The following DNAJC8 variants were observed in gnomAD, a reference collection of about 807,000 sequenced individuals.
The protein encoded by DNAJC8 is dnaJ homolog subfamily C member 8.
DNAJC8 carries 24 observed loss-of-function variants against 43.2 expected under a neutral mutation model. The ratio of observed to expected loss-of-function variants is 0.56; its 90% CI spans 0.40 to 0.78. The LOEUF (loss-of-function observed/expected upper bound fraction) is 0.78, where lower values mean the gene tolerates loss of function less well. Ranked by LOEUF, DNAJC8 falls within the 30% of genes least tolerant of loss-of-function variation. The probability of loss-of-function intolerance (pLI) is 0.00; values close to 1 mark genes in which losing one functional copy is unlikely to be tolerated. For missense variants in DNAJC8, 207 were observed against 299.4 expected, an observed-to-expected ratio of 0.69 and a Z score of 2.28; for synonymous variants, 83 against 98.0, an observed-to-expected ratio of 0.85 and a Z score of 0.90.
intron 3 of DNAJC8, among the ~76,000 whole-genome samples, chr1:28,214,376 A>C (rs996581025): frequency 5.3e-5 from 8 of 152,092 alleles, no homozygotes; most frequent in African/African-American, 1.9e-4. Flanking sequence ...CTCTACCAAA[A>C]TACAAAAATT....
At chr1:28,220,673 T>G (rs1646892589) in intron 2 of DNAJC8, among the ~76,000 whole-genome samples, 1 of 152,166 alleles carries the variant, frequency 6.6e-6, no homozygotes, top group African/African-American at 2.4e-5. Context: ...GCTGTTGCAT[T>G]GGGATTAAAT....
At chr1:28,203,908 G>C (rs1325480244) in intron 7 of DNAJC8, 86 bp from the exon 8 acceptor site, 6 of 1,302,788 alleles carry the variant, frequency 4.6e-6, no homozygotes, top group Non-Finnish European at 6.6e-6. Flanking sequence ...ACAGAAGCAA[G>C]CATATATAGT....
intron 3 of DNAJC8, among the ~76,000 whole-genome samples, chr1:28,214,161 T>C (rs1006544680): frequency 3.9e-5 from 6 of 152,176 alleles, no homozygotes; most frequent in Non-Finnish European, 8.8e-5. Context: ...TCAGAAGCTA[T>C]AGATCTCCTT....
chr1:28,211,539 C>G (rs1360952111), intron 3 of DNAJC8, among the ~76,000 whole-genome samples: 2 of 152,228 alleles, frequency 1.3e-5, no homozygotes, highest in African/African-American at 4.8e-5. Context: ...GACATCAACT[C>G]TCTCCTAAAA....
intron 3 of DNAJC8, among the ~76,000 whole-genome samples, chr1:28,214,407 A>C (rs927355594): frequency 4.6e-5 from 7 of 152,056 alleles, no homozygotes; most frequent in Non-Finnish European, 8.8e-5. Flanking sequence ...GGTGGCATGC[A>C]CTTGTAATAC....
intron 1 of DNAJC8, among the ~76,000 whole-genome samples, chr1:28,231,662 C>A (rs1480455695): frequency 6.6e-6 from 1 of 151,812 alleles, no homozygotes. Flanking sequence ...TTGCAGTGGG[C>A]CAAGATCGTG....
intron 8 of DNAJC8, among the ~76,000 whole-genome samples, chr1:28,203,007 A>T (rs1270410779): frequency 1.3e-5 from 2 of 152,236 alleles, no homozygotes; most frequent in African/African-American, 4.8e-5. Context: ...GCTAGCTAGC[A>T]GTACAGCTAC....
chr1:28,229,476 T>C (rs1293891003), intron 1 of DNAJC8, among the ~76,000 whole-genome samples: 1 of 128,190 alleles, frequency 7.8e-6, no homozygotes. Context: ...CTTTTAATTT[T>C]AAGAAAAAAA....
Position 28,204,362 on chromosome 1 carries a change from T to C in DNAJC8, c.564-540A>G, listed in dbSNP as rs181727439. Among the ~76,000 whole-genome samples, 569 of 151,950 alleles carry C rather than the reference T, an allele frequency of 3.7e-3. 2 individuals carry two copies. The highest frequency in any genetic ancestry group is 6.6e-3 in the Non-Finnish European group (448 of 67,934). On this transcript the variant is annotated intron_variant, in intron 7 of 8. Transcript: ENST00000263697. ...TTGGGAGGCTGGGGCAGGTGGATCA[T>C]GTGAGGTCAGGAGTTCGAGACCAGC...
chr1:28,224,883 C>T lies in DNAJC8; in HGVS notation c.180+4039G>A, dbSNP rs565764962. Among the ~76,000 whole-genome samples, 114 of 142,714 alleles carry T rather than the reference C, an allele frequency of 8.0e-4. 5 individuals carry two copies. Among genetic ancestry groups the T allele is most frequent in the African/African-American group, 2.6e-3 (100 of 39,174 alleles). The allele number at this position is 142,714 out of a possible 152,430, so 93.6% of individuals were successfully genotyped here. A position where few individuals can be genotyped will look rare whatever the true frequency, so the allele number is the denominator to read the frequency against. ...TGGGCAGTGGAGTGAGACTCTGTCA[C>T]GAAACAAACAAACAAACCAAAGAGC... On this transcript the variant is annotated intron_variant, in intron 2 of 8. Transcript: ENST00000263697.
intron 1 of DNAJC8, among the ~76,000 whole-genome samples, chr1:28,230,867 G>T (rs556094144): frequency 6.6e-5 from 10 of 152,266 alleles, no homozygotes; most frequent in African/African-American, 2.4e-4. Flanking sequence ...TGTTACAATT[G>T]CAAGAAATAA....
intron 6 of DNAJC8, among the ~76,000 whole-genome samples, chr1:28,208,081 T>C (rs1457581088): frequency 2.0e-5 from 3 of 151,998 alleles, no homozygotes; most frequent in Non-Finnish European, 2.9e-5. Context: ...TGGTACATGC[T>C]GGTAATCCCA....
At chr1:28,221,100 G>A (rs1417335522) in intron 2 of DNAJC8, among the ~76,000 whole-genome samples, 2 of 151,954 alleles carry the variant, frequency 1.3e-5, no homozygotes, top group Non-Finnish European at 2.9e-5. Context: ...AGCACTTTGG[G>A]AGGCTGAGGC....
At chr1:28,212,291 T>C (rs1463203448) in intron 3 of DNAJC8, among the ~76,000 whole-genome samples, 3 of 112,274 alleles carry the variant, frequency 2.7e-5, no homozygotes, top group Non-Finnish European at 3.6e-5. Flanking sequence ...TTTTTTTTTT[T>C]TGAGACAGAG....
intron 2 of DNAJC8, among the ~76,000 whole-genome samples, chr1:28,227,748 A>AAAAAAG (rs1344079323): frequency 6.6e-6 from 1 of 151,982 alleles, no homozygotes; most frequent in African/African-American, 2.4e-5. Context: ...CCATCTCTTT[A>AAAAAAG]AAAAAGAAAA....
rs201063813 is a variant in DNAJC8 at position 28,201,222 on chromosome 1, G to A, written c.*26C>T. ...GCAGGAAGGGAGATAGCAGGGGAAAGGTTCTGTGCCTGTGACCTTGGGCGG... is the reference window on the plus strand; with the variant it reads ...GCAGGAAGGGAGATAGCAGGGGAAAAGTTCTGTGCCTGTGACCTTGGGCGG... On this transcript the variant is annotated 3_prime_UTR_variant, in exon 9 of 9. Coordinates refer to ENST00000263697, the MANE Select transcript of DNAJC8 (RefSeq NM_014280.3). The A allele has an allele frequency of 5.3e-5, 85 of 1,611,416 alleles. No individual in the cohort carries two copies. The highest frequency in any genetic ancestry group is 5.4e-5 in the Non-Finnish European group (64 of 1,179,762).
intron 2 of DNAJC8, among the ~76,000 whole-genome samples, chr1:28,219,977 T>A (rs1242573282): frequency 6.6e-6 from 1 of 151,474 alleles, no homozygotes; most frequent in Non-Finnish European, 1.5e-5. Flanking sequence ...GTGCCCGGCC[T>A]TTCTATTCTT....
At chr1:28,206,106 C>T (rs920173822) in intron 6 of DNAJC8, among the ~76,000 whole-genome samples, 1 of 152,060 alleles carries the variant, frequency 6.6e-6, no homozygotes, top group Admixed American at 6.6e-5. Flanking sequence ...GTGGGAGGAT[C>T]GCTTGAGCTC....
intron 3 of DNAJC8, among the ~76,000 whole-genome samples, chr1:28,211,100 G>A (rs1356539344): frequency 6.6e-6 from 1 of 152,128 alleles, no homozygotes; most frequent in African/African-American, 2.4e-5. Flanking sequence ...CTTGAGCCTG[G>A]GAGGTTGAGA....
Sources: allele counts gnomAD v4.1 joint callset (sites outside exome capture counted in the v4.1 genomes callset), GRCh38; gene constraint gnomAD v4.1.1; transcripts MANE v1.5; gene names NCBI Gene and HGNC (gene_info 2026-07-23, HGNC 2026-07-21).